ARB2A: variants seen among roughly 807,000 people sequenced by gnomAD.
The protein encoded by ARB2A is cotranscriptional regulator ARB2A.
At chr5:94,019,101 C>T in the ARB2A span, among the ~76,000 whole-genome samples, 5 of 152,046 alleles carry the variant, frequency 3.3e-5, no homozygotes, top group Non-Finnish European at 7.4e-5. Flanking sequence ...GGAAAACTGA[C>T]GAGCATATGC....
the ARB2A span, among the ~76,000 whole-genome samples, chr5:93,624,833 GA>G: frequency 2.0e-5 from 3 of 152,082 alleles, no homozygotes; most frequent in Non-Finnish European, 4.4e-5. Context: ...TCATGTAGTT[GA>G]AAACCTGTTT....
chr5:94,106,612 A>G, the ARB2A span, among the ~76,000 whole-genome samples: 1 of 152,216 alleles, frequency 6.6e-6, no homozygotes, highest in African/African-American at 2.4e-5. Context: ...CAACTCAGCA[A>G]TCCCATTCCT....
At chr5:93,994,962 T>C in the ARB2A span, among the ~76,000 whole-genome samples, 2 of 151,770 alleles carry the variant, frequency 1.3e-5, no homozygotes, top group South Asian at 4.2e-4. Flanking sequence ...GTATAAAATA[T>C]ATGTAGATAC....
chr5:93,744,989 TAAG>T, the ARB2A span, among the ~76,000 whole-genome samples: 15 of 152,204 alleles, frequency 9.9e-5, 1 homozygote, highest in Non-Finnish European at 2.9e-5. Context: ...AAAGGGAAGT[TAAG>T]AAGTTTTCTA....
chr5:93,660,829 A>T, the ARB2A span, among the ~76,000 whole-genome samples: 1 of 152,146 alleles, frequency 6.6e-6, no homozygotes, highest in Admixed American at 6.6e-5. Flanking sequence ...AATCACAGAT[A>T]AGAGAGAAAG....
chr5:93,905,911 C>T, the ARB2A span, among the ~76,000 whole-genome samples: 1 of 151,466 alleles, frequency 6.6e-6, no homozygotes, highest in African/African-American at 2.4e-5. Flanking sequence ...TACTTCAGAA[C>T]AGCACTTTAA....
the ARB2A span, among the ~76,000 whole-genome samples, chr5:94,038,891 G>A: frequency 7.9e-5 from 12 of 151,530 alleles, no homozygotes; most frequent in Non-Finnish European, 1.0e-4. Flanking sequence ...TCAATCTTGA[G>A]CATATCAAAA....
chr5:93,997,311 C>A, the ARB2A span, among the ~76,000 whole-genome samples: 2 of 151,982 alleles, frequency 1.3e-5, no homozygotes, highest in Non-Finnish European at 2.9e-5. Context: ...TATGTCCAGT[C>A]TATGTCAGTA....
the ARB2A span, among the ~76,000 whole-genome samples, chr5:93,930,105 CAGTT>C: frequency 1.3e-5 from 2 of 152,128 alleles, no homozygotes; most frequent in African/African-American, 4.8e-5. Flanking sequence ...AGCTGACCAC[CAGTT>C]ACTCATAAAG....
chr5:93,666,923 T>TA, the ARB2A span, among the ~76,000 whole-genome samples: 1 of 152,220 alleles, frequency 6.6e-6, no homozygotes, highest in Non-Finnish European at 1.5e-5. Flanking sequence ...TCATGAGTTG[T>TA]AAATATAAGA....
At chr5:93,656,614 A>G in the ARB2A span, among the ~76,000 whole-genome samples, 1 of 152,166 alleles carries the variant, frequency 6.6e-6, no homozygotes, top group Non-Finnish European at 1.5e-5. Flanking sequence ...GAAATAAGAC[A>G]CTGTTCATTA....
chr5:93,732,290 A>G, the ARB2A span, among the ~76,000 whole-genome samples: 1 of 152,374 alleles, frequency 6.6e-6, no homozygotes, highest in African/African-American at 2.4e-5. Context: ...AGAAATCCAT[A>G]GAGCTCATTT....
the ARB2A span, among the ~76,000 whole-genome samples, chr5:93,858,256 C>T: frequency 0.013 from 1,987 of 152,296 alleles, 43 homozygotes; most frequent in African/African-American, 0.045. Context: ...ATAGCCACTT[C>T]CTACCTAGCA....
chr5:93,932,319 G>C, the ARB2A span, among the ~76,000 whole-genome samples: 167 of 152,250 alleles, frequency 1.1e-3, no homozygotes, highest in African/African-American at 3.9e-3. Flanking sequence ...GGGAAGCGAT[G>C]TGCACTAAAA....
At chr5:93,870,558 C>A in the ARB2A span, among the ~76,000 whole-genome samples, 4 of 152,154 alleles carry the variant, frequency 2.6e-5, no homozygotes, top group African/African-American at 9.7e-5. Flanking sequence ...TTTCAGGGGA[C>A]CTGCAAGGTC....
At chr5:93,628,746 A>G in the ARB2A span, among the ~76,000 whole-genome samples, 2 of 152,254 alleles carry the variant, frequency 1.3e-5, no homozygotes, top group Non-Finnish European at 1.5e-5. Context: ...CAGCTTCTTC[A>G]TCTCTCTCAG....
At chr5:93,797,925 C>A in the ARB2A span, among the ~76,000 whole-genome samples, 1 of 151,906 alleles carries the variant, frequency 6.6e-6, no homozygotes, top group East Asian at 1.9e-4. Flanking sequence ...GAAAGGATGG[C>A]GGTTAAATAT....
the ARB2A span, among the ~76,000 whole-genome samples, chr5:93,732,581 C>T: frequency 1.3e-5 from 2 of 150,432 alleles, no homozygotes; most frequent in Non-Finnish European, 3.0e-5. Context: ...TAATGGGCCT[C>T]TGATTAAAAA....
the ARB2A span, among the ~76,000 whole-genome samples, chr5:93,783,606 T>C: frequency 6.6e-6 from 1 of 152,108 alleles, no homozygotes; most frequent in African/African-American, 2.4e-5. Flanking sequence ...ATTCATACTA[T>C]ATAAGTAAAT....
Sources: gnomAD v4.1 joint callset for allele counts (sites outside exome capture counted in the v4.1 genomes callset) on GRCh38, gnomAD v4.1.1 for gene constraint, MANE v1.5 for transcripts, NCBI Gene and HGNC (gene_info 2026-07-23, HGNC 2026-07-21) for gene names.